MAGED1: variants seen among roughly 807,000 people sequenced by gnomAD.
MAGED1 encodes the protein melanoma-associated antigen D1.
In MAGED1, 3 loss-of-function variants were observed where a neutral mutation model predicts 54.1. That is an observed-to-expected ratio of 0.06 (90% CI 0.03 to 0.14). The LOEUF is 0.14. MAGED1 is among the 10% of genes least tolerant of loss of function. The pLI, the probability that MAGED1 is intolerant of heterozygous loss-of-function variation, is 1.00. For missense variants in MAGED1, 485 were observed against 623.4 expected (o/e 0.78, Z 2.36); for synonymous variants, 217 against 227.3 (o/e 0.95, Z 0.41).
At chrX:51,894,952 CTGCAGCTCCGCT>C in intron 2 of MAGED1, 89 bp from the exon 3 acceptor site, 1 of 922,703 alleles carries the variant, frequency 1.1e-6, no homozygotes, top group Non-Finnish European at 1.5e-6. Flanking sequence ...CACCGCCCGC[CTGCAGCTCCGCT>C]GCTGCGCTGC....
chrX:51,895,348 C>T lies in MAGED1; in HGVS notation c.341C>T (p.Ser114Phe). ...ACGCAGCCCAAGGCAGCCTTTAAGTCCCAAAATGCTACCCCAAAGGGTCCA... is the reference window on the plus strand; with the variant it reads ...ACGCAGCCCAAGGCAGCCTTTAAGTTCCAAAATGCTACCCCAAAGGGTCCA... ...PNTQPKAAFK[S>F]QNATPKGPNA... is the part of the protein sequence containing the mutation. The change falls in exon 3 of 13, where the codon TCC (serine) becomes TTC (phenylalanine). Residue 114 changes from serine (S) to phenylalanine (F), a missense_variant. Physicochemically the swap from Ser to Phe is radical, Grantham distance 155. Around this residue, in one of 2 missense-constraint regions of MAGED1, gnomAD observed 299 missense variants for 293.1 expected, o/e 1.02. Transcript: ENST00000326587. 4 of 1,209,949 alleles carry T rather than the reference C, an allele frequency of 3.3e-6. No individual in the cohort carries two copies. The highest frequency in any genetic ancestry group is 3.4e-6 in the Non-Finnish European group (3 of 894,561).
intron 1 of MAGED1, among the ~76,000 whole-genome samples, chrX:51,831,792 A>G (rs1392331960): frequency 3.6e-5 from 4 of 111,139 alleles, no homozygotes; most frequent in African/African-American, 1.3e-4. Context: ...ACTGGGCTCT[A>G]TGGGTAACTT....
chrX:51,828,989 A>G (rs1345862711), intron 1 of MAGED1, among the ~76,000 whole-genome samples: 1 of 111,066 alleles, frequency 9.0e-6, no homozygotes. Context: ...CAGTAACCCA[A>G]TGCGGTTTGT....
chrX:51,803,515 T>A (rs1401152832), intron 1 of MAGED1, among the ~76,000 whole-genome samples: 1 of 108,551 alleles, frequency 9.2e-6, no homozygotes, highest in Non-Finnish European at 1.9e-5. Flanking sequence ...GCGAGCCCCT[T>A]CCTACCCTCT....
chrX:51,857,792 T>C (rs782292959), intron 1 of MAGED1: 1 of 112,720 alleles, frequency 8.9e-6, no homozygotes, highest in South Asian at 3.7e-4. Flanking sequence ...TAAGTCTTAT[T>C]CATTATCAGA....
Position 51,894,257 on chromosome X carries a change from C to G in MAGED1, c.-36-12C>G, listed in dbSNP as rs1557363850. 2.7e-6 allele frequency: 3 copies of G among 1,093,321 alleles called. No individual in the cohort carries two copies. The allele number at this position is 1,093,321 out of a possible 1,213,427, so 90.1% of individuals were successfully genotyped here. A position where few individuals can be genotyped will look rare whatever the true frequency, so the allele number is the denominator to read the frequency against. On this transcript the variant is annotated splice_polypyrimidine_tract_variant and intron_variant, in intron 1 of 12. Transcript: ENST00000326587. ...GCCCTCTGTAGTATAACGCCCTGCC[C>G]CTCTCCCACAGCCCCCAGGCTCCGC...
intron 2 of MAGED1, chrX:51,894,849 T>C: frequency 2.7e-6 from 3 of 1,094,863 alleles, no homozygotes; most frequent in Non-Finnish European, 3.6e-6. Flanking sequence ...CTTGCCCTAC[T>C]TCACCCCTGC....
intron 1 of MAGED1, among the ~76,000 whole-genome samples, chrX:51,874,813 T>G (rs1281418970): frequency 9.0e-6 from 1 of 110,807 alleles, no homozygotes; most frequent in South Asian, 3.8e-4. Context: ...TTTTTCTGCT[T>G]CTTGGTATGC....
intron 1 of MAGED1, among the ~76,000 whole-genome samples, chrX:51,804,574 A>G (rs782210281): frequency 8.9e-6 from 1 of 111,896 alleles, no homozygotes; most frequent in East Asian, 2.8e-4. Context: ...TCAGCACTGG[A>G]GATACAACAG....
chrX:51,868,049 T>C (rs1927519327), intron 1 of MAGED1, among the ~76,000 whole-genome samples: 1 of 112,460 alleles, frequency 8.9e-6, no homozygotes. Flanking sequence ...TCCATCTAAA[T>C]GCTATAACAA....
At chrX:51,821,240 C>T (rs1412557762) in intron 1 of MAGED1, among the ~76,000 whole-genome samples, 2 of 111,439 alleles carry the variant, frequency 1.8e-5, no homozygotes, top group Non-Finnish European at 3.8e-5. Context: ...AGTTGTACTT[C>T]TTCCTTTATA....
intron 1 of MAGED1, among the ~76,000 whole-genome samples, chrX:51,812,850 C>A (rs1925273796): frequency 9.1e-6 from 1 of 110,137 alleles, no homozygotes; most frequent in Non-Finnish European, 1.9e-5. Context: ...TCCAAAATGG[C>A]TCTACCACTT....
chrX:51,888,685 T>C (rs1450569589), upstream of MAGED1, among the ~76,000 whole-genome samples: 3 of 112,390 alleles, frequency 2.7e-5, no homozygotes, highest in Non-Finnish European at 5.6e-5. Flanking sequence ...AGCAGCTTCA[T>C]TCACAGTAGC....
intron 1 of MAGED1, among the ~76,000 whole-genome samples, chrX:51,837,839 G>C (rs1557358073): frequency 1.8e-5 from 2 of 112,340 alleles, no homozygotes; most frequent in Non-Finnish European, 3.8e-5. Context: ...GGCTGCTTCT[G>C]CACTGTATTT....
At chrX:51,873,055 A>AT (rs1403975013) in intron 1 of MAGED1, among the ~76,000 whole-genome samples, 1,595 of 109,045 alleles carry the variant, frequency 0.015, 17 homozygotes, top group Middle Eastern at 0.043. Flanking sequence ...CAAAAAAAAA[A>AT]AAATAAATAA....
chrX:51,902,066 C>A, intron 12 of MAGED1, 80 bp from the exon 13 acceptor site: 1 of 648,285 alleles, frequency 1.5e-6, no homozygotes, highest in Non-Finnish European at 2.2e-6. Context: ...AAGTATGGGG[C>A]AGCACTCTTT....
intron 1 of MAGED1, among the ~76,000 whole-genome samples, chrX:51,817,381 G>C (rs1925474277): frequency 8.9e-6 from 1 of 111,838 alleles, no homozygotes; most frequent in Non-Finnish European, 1.9e-5. Flanking sequence ...CGCTAATGTT[G>C]TGGTCCCACA....
At position 51,897,809 on chromosome X, in the gene MAGED1, A is replaced by G. The variant is rs1928827600; in HGVS notation, c.1581A>G (p.Gln527=). The part of the protein sequence containing the change: ...CFVLEKKFGI[Q]LKEIDKEEHL... ...TGCCCCTGTAGAAATTTGGGATTCA[A>G]CTGAAAGAAATTGACAAAGAAGAAC... The change falls in exon 7 of 13, where the codon CAA becomes CAG. Residue 527 remains glutamine (Q), a synonymous_variant. Coordinates refer to ENST00000326587, the MANE Select transcript of MAGED1 (RefSeq NM_006986.4). The G allele has an allele frequency of 3.3e-6, 4 of 1,202,722 alleles. No homozygotes were observed. The African/African-American group carries it at 7.1e-5, about 21-fold the overall frequency.
chrX:51,886,040 A>T (rs781831499), intron 1 of MAGED1, among the ~76,000 whole-genome samples: 93 of 104,001 alleles, frequency 8.9e-4, no homozygotes, highest in African/African-American at 3.1e-3. Flanking sequence ...GACAAATATT[A>T]CATATTCTCA....
Sources: gnomAD v4.1 joint callset for allele counts (sites outside exome capture counted in the v4.1 genomes callset) on GRCh38, gnomAD v4.1.1 for gene constraint, gnomAD v4.1.1 regional missense constraint, MANE v1.5 for transcripts, NCBI Gene and HGNC (gene_info 2026-07-23, HGNC 2026-07-21) for gene names.